Variants in HPSE2 observed in about 807,000 individuals in gnomAD.
The protein encoded by HPSE2 is heparanase 2 (inactive).
HPSE2 carries 38 observed loss-of-function variants against 60.5 expected under a neutral mutation model. That is an observed-to-expected ratio of 0.63 (90% CI 0.48 to 0.82). The LOEUF is 0.82. Among genes scored for constraint, HPSE2 ranks in the 40% least tolerant of loss-of-function variants. The pLI, the probability that HPSE2 is intolerant of heterozygous loss-of-function variation, is 0.00. For synonymous variants in HPSE2, 295 were observed against 293.2 expected (o/e 1.01, Z -0.06); for missense variants, 713 against 740.4 (o/e 0.96, Z 0.43).
At chr10:98,975,458 T>C (rs1252813270) in intron 3 of HPSE2, among the ~76,000 whole-genome samples, 2 of 152,080 alleles carry the variant, frequency 1.3e-5, no homozygotes, top group African/African-American at 4.8e-5. Context: ...GAAGACACAA[T>C]AGTCATGTGT....
chr10:98,946,863 C>T (rs1345923467), intron 3 of HPSE2, among the ~76,000 whole-genome samples: 1 of 152,068 alleles, frequency 6.6e-6, no homozygotes, highest in Admixed American at 6.6e-5. Flanking sequence ...TCCGTTAAAA[C>T]ACCATGTGAG....
At chr10:99,026,212 A>G (rs1314442657) in intron 3 of HPSE2, among the ~76,000 whole-genome samples, 1 of 152,130 alleles carries the variant, frequency 6.6e-6, no homozygotes, top group Non-Finnish European at 1.5e-5. Flanking sequence ...AGAACCATTG[A>G]TCTGCTGCCT....
At chr10:99,239,123 C>T (rs1308881335), upstream of HPSE2, among the ~76,000 whole-genome samples, 1 of 151,990 alleles carries the variant, frequency 6.6e-6, no homozygotes, top group African/African-American at 2.4e-5. Flanking sequence ...GGAGCCATTG[C>T]ACTCCAGCCT....
intron 3 of HPSE2, among the ~76,000 whole-genome samples, chr10:98,909,862 T>C (rs1332635567): frequency 6.6e-6 from 1 of 152,104 alleles, no homozygotes; most frequent in Non-Finnish European, 1.5e-5. Context: ...CGTGATGGAA[T>C]ATTAGGCAAC....
chr10:99,196,512 GA>G (rs983190373), intron 2 of HPSE2, among the ~76,000 whole-genome samples: 43 of 151,630 alleles, frequency 2.8e-4, no homozygotes, highest in African/African-American at 9.7e-4. Flanking sequence ...AACTCTATAG[GA>G]AAAAAAATTT....
chr10:99,128,282 G>T (rs930143854), intron 3 of HPSE2, among the ~76,000 whole-genome samples: 3 of 152,126 alleles, frequency 2.0e-5, no homozygotes, highest in Admixed American at 6.5e-5. Flanking sequence ...ATTCCTTAAA[G>T]ACCTAGAACC....
intron 9 of HPSE2, among the ~76,000 whole-genome samples, chr10:98,499,123 A>C (rs1045671594): frequency 6.6e-6 from 1 of 152,198 alleles, no homozygotes; most frequent in Non-Finnish European, 1.5e-5. Flanking sequence ...CTAGAGACCT[A>C]AACACCCAAA....
chr10:98,597,552 T>C (rs1589477826), intron 9 of HPSE2, among the ~76,000 whole-genome samples: 1 of 151,220 alleles, frequency 6.6e-6, no homozygotes, highest in African/African-American at 2.4e-5. Flanking sequence ...GTGCCTGTAG[T>C]CCCAGCTACT....
intron 3 of HPSE2, among the ~76,000 whole-genome samples, chr10:99,024,394 A>G (rs1033602711): frequency 6.6e-6 from 1 of 152,176 alleles, no homozygotes; most frequent in Admixed American, 6.6e-5. Context: ...AAACCAAAAA[A>G]CATGCAATGG....
At chr10:98,997,409 C>CA (rs1166550592) in intron 3 of HPSE2, among the ~76,000 whole-genome samples, 1 of 152,116 alleles carries the variant, frequency 6.6e-6, no homozygotes, top group Non-Finnish European at 1.5e-5. Flanking sequence ...AGCCACTGTG[C>CA]CCAGCCAAAA....
intron 9 of HPSE2, among the ~76,000 whole-genome samples, chr10:98,515,992 C>T (rs111415900): frequency 6.6e-6 from 1 of 152,218 alleles, no homozygotes; most frequent in Non-Finnish European, 1.5e-5. Context: ...TTGTACTCCA[C>T]CCTGTGGATT....
At chr10:98,524,235 TGAG>T (rs1368712860) in intron 9 of HPSE2, among the ~76,000 whole-genome samples, 1 of 152,210 alleles carries the variant, frequency 6.6e-6, no homozygotes, top group Non-Finnish European at 1.5e-5. Context: ...GCGCATGAGT[TGAG>T]GAGCTGTGCA....
At chr10:98,465,115 T>C (rs1940471746) in intron 11 of HPSE2, among the ~76,000 whole-genome samples, 2 of 152,248 alleles carry the variant, frequency 1.3e-5, no homozygotes, top group Admixed American at 1.3e-4. Flanking sequence ...CCTATATTTT[T>C]CTTTTAATAT....
At chr10:98,546,633 C>T (rs530486016) in intron 9 of HPSE2, among the ~76,000 whole-genome samples, 2 of 151,252 alleles carry the variant, frequency 1.3e-5, no homozygotes, top group African/African-American at 4.8e-5. Context: ...CCCTTCCTTA[C>T]ACCTTACACA....
chr10:99,133,835 C>G (rs1845540832), intron 3 of HPSE2, among the ~76,000 whole-genome samples: 2 of 152,148 alleles, frequency 1.3e-5, no homozygotes, highest in South Asian at 2.1e-4. Context: ...ATCACAACTC[C>G]TCTCCAGCAA....
intron 3 of HPSE2, among the ~76,000 whole-genome samples, chr10:98,982,206 G>A (rs972382613): frequency 1.1e-4 from 17 of 152,156 alleles, no homozygotes; most frequent in Admixed American, 6.6e-4. Context: ...CAGTGTCATC[G>A]AAAGCTCTCT....
chr10:98,515,035 G>A (rs2133756018), intron 9 of HPSE2, among the ~76,000 whole-genome samples: 1 of 152,178 alleles, frequency 6.6e-6, no homozygotes, highest in Non-Finnish European at 1.5e-5. Flanking sequence ...GTTATATACT[G>A]TTTACTTAGG....
intron 3 of HPSE2, among the ~76,000 whole-genome samples, chr10:98,970,104 G>C (rs978469217): frequency 2.0e-5 from 3 of 152,184 alleles, no homozygotes; most frequent in African/African-American, 7.2e-5. Context: ...TGAGATTACA[G>C]GTGCCCGCCA....
At chr10:98,951,377 G>C (rs1955352574) in intron 3 of HPSE2, among the ~76,000 whole-genome samples, 1 of 152,158 alleles carries the variant, frequency 6.6e-6, no homozygotes, top group African/African-American at 2.4e-5. Context: ...CAGTCAGCAT[G>C]TGTGATACGT....
Sources: allele counts gnomAD v4.1 joint callset (sites outside exome capture counted in the v4.1 genomes callset), GRCh38; gene constraint gnomAD v4.1.1; transcripts MANE v1.5; gene names NCBI Gene and HGNC (gene_info 2026-07-23, HGNC 2026-07-21).